Variants in DOCK1 observed in about 807,000 individuals in gnomAD.
The protein encoded by DOCK1 is dedicator of cytokinesis 1, also known as dedicator of cytokinesis protein 1.
A neutral mutation model predicts 262.7 loss-of-function variants in DOCK1; 138 were observed. The observed-to-expected ratio is 0.53, with a 90% CI of 0.46 to 0.61. DOCK1 has a LOEUF of 0.61. Among genes scored for constraint, DOCK1 ranks in the 20% least tolerant of loss-of-function variants. DOCK1 has a pLI of 0.00. For synonymous variants in DOCK1, 866 were observed against 867.4 expected (o/e 1.00, Z 0.03); for missense variants, 1,908 against 2,370.7 (o/e 0.80, Z 4.05).
intron 24 of DOCK1, 85 bp downstream of exon 24, chr10:127,106,386 T>C: frequency 1.4e-6 from 2 of 1,428,656 alleles, no homozygotes; most frequent in Non-Finnish European, 1.9e-6. Context: ...ATGCTCAGGG[T>C]TCTGCCTCAT....
chr10:127,264,112 C>T (rs184627102), intron 29 of DOCK1, among the ~76,000 whole-genome samples: 29 of 152,266 alleles, frequency 1.9e-4, no homozygotes, highest in African/African-American at 9.6e-5. Flanking sequence ...CTTTCTTGTT[C>T]GTATTGACTA....
intron 29 of DOCK1, among the ~76,000 whole-genome samples, chr10:127,294,012 A>G (rs1469497024): frequency 6.6e-6 from 1 of 152,070 alleles, no homozygotes; most frequent in Non-Finnish European, 1.5e-5. Flanking sequence ...AGCCACCCGG[A>G]GCACACCGCG....
At chr10:126,932,205 A>G (rs1286480714) in intron 1 of DOCK1, among the ~76,000 whole-genome samples, 3 of 152,114 alleles carry the variant, frequency 2.0e-5, no homozygotes, top group African/African-American at 4.8e-5. Flanking sequence ...AAAATTAGGG[A>G]CTTGGATCAG....
At chr10:127,285,658 T>C (rs1052529699) in intron 29 of DOCK1, among the ~76,000 whole-genome samples, 7 of 152,258 alleles carry the variant, frequency 4.6e-5, no homozygotes, top group Middle Eastern at 6.8e-3. Flanking sequence ...CAGGGAGTGG[T>C]CATGTGGAAG....
rs12416210 is a variant in DOCK1 at position 127,012,989 on chromosome 10, A to T, written c.1201+615A>T. Among the ~76,000 whole-genome samples the T allele has an allele frequency of 6.6e-6, 1 of 151,886 alleles. No homozygotes were observed. Among genetic ancestry groups the T allele is most frequent in the Non-Finnish European group, 1.5e-5 (1 of 67,992 alleles). The stretch of plus-strand genomic sequence containing the variant: ...GTCACCTTCAGAACTTGACCGTCTC[A>T]CTCCCTGATCCATGCAGACTGCCCG... On this transcript the variant is annotated intron_variant, in intron 12 of 51. Coordinates refer to ENST00000623213, the MANE Select transcript of DOCK1 (RefSeq NM_001290223.2). This position sits in a 1 kb window ranked among gnomAD's most constrained non-coding sequence, Gnocchi z 4.0.
intron 47 of DOCK1, among the ~76,000 whole-genome samples, chr10:127,428,626 G>A (rs2068992398): frequency 6.9e-6 from 1 of 145,482 alleles, no homozygotes; most frequent in Non-Finnish European, 1.5e-5. Flanking sequence ...TGTGGATTGG[G>A]GTGTCATGTG....
chr10:127,439,378 A>C, intron 49 of DOCK1, 153 bp downstream of exon 49: 29 of 725,292 alleles, frequency 4.0e-5, no homozygotes, highest in Non-Finnish European at 4.6e-5. Context: ...CTAACCTCAA[A>C]TGTCCCAAGG....
intron 19 of DOCK1, 42 bp from the exon 20 acceptor site, chr10:127,042,583 C>T (rs750170493): frequency 4.8e-5 from 75 of 1,564,314 alleles, no homozygotes; most frequent in Admixed American, 1.2e-4. Flanking sequence ...GGGGGAAGTC[C>T]GGTGGGTTCA....
chr10:127,360,461 A>G (rs1293282867), intron 32 of DOCK1, among the ~76,000 whole-genome samples: 1 of 152,216 alleles, frequency 6.6e-6, no homozygotes, highest in Non-Finnish European at 1.5e-5. Flanking sequence ...GCATCTTTCT[A>G]AGTCAGCGAC....
intron 19 of DOCK1, among the ~76,000 whole-genome samples, chr10:127,039,989 C>T (rs1192395143): frequency 6.6e-6 from 1 of 152,156 alleles, no homozygotes; most frequent in African/African-American, 2.4e-5. Context: ...TCGCCCCTGC[C>T]CCACTGCAGC....
intron 1 of DOCK1, among the ~76,000 whole-genome samples, chr10:126,941,251 G>C (rs936812325): frequency 2.0e-5 from 3 of 152,202 alleles, no homozygotes; most frequent in Non-Finnish European, 4.4e-5. Context: ...GAGTAAGTTT[G>C]ATGGGATGTA....
chr10:127,180,354 C>T (rs2055607862), intron 27 of DOCK1, among the ~76,000 whole-genome samples: 1 of 152,164 alleles, frequency 6.6e-6, no homozygotes, highest in Non-Finnish European at 1.5e-5. Flanking sequence ...ACCATGGACT[C>T]TGGTTTGGGG....
At chr10:127,113,160 T>A (rs749299340) in intron 25 of DOCK1, among the ~76,000 whole-genome samples, 1 of 152,162 alleles carries the variant, frequency 6.6e-6, no homozygotes, top group Non-Finnish European at 1.5e-5. Flanking sequence ...TTTGTACAAA[T>A]GTGGTTGTTT....
chr10:127,160,630 AT>A (rs560424910), intron 27 of DOCK1, among the ~76,000 whole-genome samples: 119 of 152,342 alleles, frequency 7.8e-4, no homozygotes, highest in African/African-American at 2.8e-3. Context: ...GGTCTTCAAA[AT>A]GTTCATTACA....
chr10:127,407,172 C>T (rs2067565333), intron 40 of DOCK1, among the ~76,000 whole-genome samples: 1 of 151,956 alleles, frequency 6.6e-6, no homozygotes, highest in Non-Finnish European at 1.5e-5. Context: ...TAAGCTGGGG[C>T]AAGGGAAGGG....
At chr10:127,289,155 C>A (rs981314629) in intron 29 of DOCK1, among the ~76,000 whole-genome samples, 2 of 152,158 alleles carry the variant, frequency 1.3e-5, no homozygotes, top group African/African-American at 4.8e-5. Context: ...ACACACCACA[C>A]AAACACGCAC....
chr10:127,003,649 G>GGT (rs1416013389), intron 10 of DOCK1, among the ~76,000 whole-genome samples: 8 of 152,164 alleles, frequency 5.3e-5, no homozygotes, highest in Non-Finnish European at 1.2e-4. Context: ...CTGCTCAGCT[G>GGT]GTGTGTGTCT....
intron 12 of DOCK1, chr10:127,013,835 G>A (rs2041656409): frequency 6.6e-6 from 1 of 152,268 alleles, no homozygotes; most frequent in Admixed American, 6.5e-5. Context: ...TTTTCTCCAG[G>A]GCACAATGGT....
At chr10:127,220,739 T>G (rs2058400542) in intron 27 of DOCK1, among the ~76,000 whole-genome samples, 1 of 152,116 alleles carries the variant, frequency 6.6e-6, no homozygotes, top group Non-Finnish European at 1.5e-5. Flanking sequence ...GGCCGTAGAA[T>G]TCCATCTTCT....
Sources: gnomAD v4.1 joint callset for allele counts (sites outside exome capture counted in the v4.1 genomes callset) on GRCh38, gnomAD v4.1.1 for gene constraint, Gnocchi (gnomAD v3.1) non-coding constraint, MANE v1.5 for transcripts, NCBI Gene and HGNC (gene_info 2026-07-23, HGNC 2026-07-21) for gene names.